Variants in CADM2 observed in about 807,000 individuals in gnomAD.
CADM2 encodes cell adhesion molecule 2.
In CADM2, 12 loss-of-function variants were observed where a neutral mutation model predicts 49.8. The ratio of observed to expected loss-of-function variants is 0.24; its 90% CI spans 0.15 to 0.39. CADM2 has a LOEUF of 0.39. Among genes scored for constraint, CADM2 ranks in the 10% least tolerant of loss-of-function variants. CADM2 has a pLI of 1.00. For missense variants in CADM2, 378 were observed against 492.3 expected (o/e 0.77, Z 2.20); for synonymous variants, 214 against 175.4 (o/e 1.22, Z -1.74).
In CADM2 at chr3:85,890,347, A is replaced by T. The variant is rs529534079; in HGVS notation, c.529+4020A>T. 6.6e-5 allele frequency among the ~76,000 whole-genome samples: 10 copies of T among 152,270 alleles called. No individual in the cohort carries two copies. The South Asian group carries it at 1.7e-3, about 25-fold the overall frequency. ...CACTTGTCTCTCACTCAGTCAATCT[A>T]CATTTTACATAAGATAACCGTGTGA... On this transcript the variant is annotated intron_variant, in intron 5 of 9. Transcript: ENST00000383699.
At chr3:85,900,355 G>A (rs900891451) in intron 5 of CADM2, among the ~76,000 whole-genome samples, 2 of 152,100 alleles carry the variant, frequency 1.3e-5, no homozygotes, top group African/African-American at 4.8e-5. Flanking sequence ...AAATGAATGA[G>A]AGGGAAACAC....
At chr3:85,275,575 A>C (rs76320922) in intron 1 of CADM2, among the ~76,000 whole-genome samples, 7,098 of 151,360 alleles carry the variant, frequency 0.047, 459 homozygotes, top group African/African-American at 0.15. Flanking sequence ...TAAACCTTGC[A>C]TGACTTTGAA....
rs143196702 is a variant in CADM2 at position 85,961,554 on chromosome 3, C to A, written c.877C>A (p.Leu293Ile). 124 of 1,610,910 alleles carry A rather than the reference C, an allele frequency of 7.7e-5. No homozygotes were observed. In the African/African-American group the frequency reaches 1.4e-3, roughly 19 times the overall value. The part of the protein sequence containing the change: ...MVVSGRELNI[L>I]FLNKTDNGTY... ...TGTGAGTGGTAGGGAGCTAAACATT[C>A]TTTTCCTGAACAAAACGGATAATGG... The change falls in exon 8 of 10, where the codon CTT becomes ATT. Residue 293 changes from leucine to isoleucine, a missense_variant. Physicochemically the swap from Leu to Ile is conservative, Grantham distance 5 (BLOSUM62 2). Transcript: ENST00000383699.
intron 2 of CADM2, among the ~76,000 whole-genome samples, chr3:85,734,319 A>G (rs1441915268): frequency 6.6e-6 from 1 of 151,984 alleles, no homozygotes; most frequent in Non-Finnish European, 1.5e-5. Flanking sequence ...TTCAATGCCC[A>G]AATAGGAGAA....
chr3:85,211,972 T>C (rs1001548624), intron 1 of CADM2, among the ~76,000 whole-genome samples: 2 of 152,166 alleles, frequency 1.3e-5, no homozygotes, highest in Non-Finnish European at 2.9e-5. Flanking sequence ...GTTGGGTGCA[T>C]ATATATCTAC....
intron 1 of CADM2, among the ~76,000 whole-genome samples, chr3:85,349,686 A>G (rs2031135701): frequency 6.6e-6 from 1 of 152,216 alleles, no homozygotes. Flanking sequence ...ACCAACAGAA[A>G]CTGTTGATAA....
intron 1 of CADM2, among the ~76,000 whole-genome samples, chr3:85,470,862 C>G (rs558307753): frequency 8.9e-4 from 135 of 152,100 alleles, no homozygotes; most frequent in South Asian, 8.5e-3. Context: ...ATGTTCCACC[C>G]TTAGAAAAAG....
At chr3:85,550,212 C>T (rs886964031) in intron 1 of CADM2, among the ~76,000 whole-genome samples, 1 of 152,084 alleles carries the variant, frequency 6.6e-6, no homozygotes, top group African/African-American at 2.4e-5. Flanking sequence ...CTAACCTGTC[C>T]AGCATTTCTG....
intron 1 of CADM2, among the ~76,000 whole-genome samples, chr3:85,376,496 G>A (rs2033600588): frequency 6.6e-6 from 1 of 152,108 alleles, no homozygotes; most frequent in African/African-American, 2.4e-5. Flanking sequence ...TTAAAACTAA[G>A]CCATTGAAAC....
At chr3:85,095,761 A>C (rs2107532380) in intron 1 of CADM2, among the ~76,000 whole-genome samples, 1 of 152,308 alleles carries the variant, frequency 6.6e-6, no homozygotes, top group Admixed American at 6.5e-5. Context: ...TCCACCAGTG[A>C]ACACATCTCT....
intron 1 of CADM2, among the ~76,000 whole-genome samples, chr3:85,662,521 C>G (rs189166801): frequency 6.6e-6 from 1 of 152,094 alleles, no homozygotes; most frequent in African/African-American, 2.4e-5. Flanking sequence ...AAATAGCTCT[C>G]CAGCTGTTGC....
intron 1 of CADM2, among the ~76,000 whole-genome samples, chr3:85,513,513 A>G (rs1167786414): frequency 2.0e-5 from 3 of 152,034 alleles, no homozygotes; most frequent in Admixed American, 6.6e-5. Context: ...AATGAAAAAT[A>G]TATGAATACG....
chr3:85,975,176 A>G (rs1726626682), intron 8 of CADM2, among the ~76,000 whole-genome samples: 1 of 151,458 alleles, frequency 6.6e-6, no homozygotes, highest in African/African-American at 2.4e-5. Context: ...CCTATCTAAA[A>G]CCATCAATTT....
chr3:86,028,283 C>T (rs1734149718), intron 8 of CADM2, among the ~76,000 whole-genome samples: 1 of 150,976 alleles, frequency 6.6e-6, no homozygotes, highest in Admixed American at 6.6e-5. Flanking sequence ...ATTGCAATTC[C>T]TATTGCAAAG....
intron 1 of CADM2, among the ~76,000 whole-genome samples, chr3:85,107,655 C>CTT (rs1160737504): frequency 7.3e-6 from 1 of 136,854 alleles, no homozygotes; most frequent in African/African-American, 2.8e-5. Flanking sequence ...TTCTTTCTTT[C>CTT]TTTTTTTCCT....
chr3:85,200,797 T>G (rs2041477023), intron 1 of CADM2, among the ~76,000 whole-genome samples: 1 of 152,164 alleles, frequency 6.6e-6, no homozygotes, highest in African/African-American at 2.4e-5. Context: ...GTGTAAAACA[T>G]GAAACCTGTG....
At chr3:85,320,247 G>A (rs896385501) in intron 1 of CADM2, among the ~76,000 whole-genome samples, 2 of 152,176 alleles carry the variant, frequency 1.3e-5, no homozygotes, top group African/African-American at 4.8e-5. Flanking sequence ...GGTCCCTGAT[G>A]TCAACAGTAC....
intron 7 of CADM2, among the ~76,000 whole-genome samples, chr3:85,937,318 G>T (rs1179238393): frequency 2.0e-5 from 3 of 151,672 alleles, no homozygotes; most frequent in African/African-American, 7.3e-5. Flanking sequence ...TTTTATTTAA[G>T]AATACAAATT....
intron 1 of CADM2, among the ~76,000 whole-genome samples, chr3:85,226,835 CT>C (rs2042174370): frequency 6.6e-6 from 1 of 152,142 alleles, no homozygotes; most frequent in African/African-American, 2.4e-5. Flanking sequence ...TGTCTTTGCT[CT>C]CATTGGTTTC....
Sources: gnomAD v4.1 joint callset for allele counts (sites outside exome capture counted in the v4.1 genomes callset) on GRCh38, gnomAD v4.1.1 for gene constraint, MANE v1.5 for transcripts, NCBI Gene and HGNC (gene_info 2026-07-23, HGNC 2026-07-21) for gene names.